The following DTNA variants were observed in gnomAD, a reference collection of about 807,000 sequenced individuals.
The protein encoded by DTNA is dystrophin-related protein 3.
DTNA carries 43 observed loss-of-function variants against 100.7 expected under a neutral mutation model. That is an observed-to-expected ratio of 0.43 (90% CI 0.33 to 0.55). The LOEUF (loss-of-function observed/expected upper bound fraction) is 0.55, where lower values mean the gene tolerates loss of function less well. Ranked by LOEUF, DTNA falls within the 20% of genes least tolerant of loss-of-function variation. The probability of loss-of-function intolerance (pLI) is 0.04; values close to 1 mark genes in which losing one functional copy is unlikely to be tolerated. For missense variants in DTNA, 798 were observed against 953.9 expected (o/e 0.84, Z 2.15); for synonymous variants, 349 against 347.9 (o/e 1.00, Z -0.04).
At chr18:34,785,238 C>T (rs1377873676) in intron 3 of DTNA, among the ~76,000 whole-genome samples, 1 of 152,062 alleles carries the variant, frequency 6.6e-6, no homozygotes, top group Non-Finnish European at 1.5e-5. Context: ...TGAAATTGAA[C>T]TAAACTCGTA....
At chr18:34,816,445 T>C (rs374647422) in intron 7 of DTNA, among the ~76,000 whole-genome samples, 139 of 152,224 alleles carry the variant, frequency 9.1e-4, no homozygotes, top group African/African-American at 3.1e-3. Flanking sequence ...TAATCTTTAG[T>C]CATATGTTCC....
intron 1 of DTNA, among the ~76,000 whole-genome samples, chr18:34,635,600 T>C (rs760015010): frequency 2.0e-5 from 3 of 152,242 alleles, no homozygotes; most frequent in African/African-American, 4.8e-5. Flanking sequence ...AACTTAGGTA[T>C]GATTTTATAA....
At chr18:34,665,103 G>C (rs1408259446) in intron 1 of DTNA, among the ~76,000 whole-genome samples, 1 of 151,776 alleles carries the variant, frequency 6.6e-6, no homozygotes, top group Non-Finnish European at 1.5e-5. Flanking sequence ...CACCAGTTAA[G>C]GTAGAAATGC....
intron 1 of DTNA, among the ~76,000 whole-genome samples, chr18:34,671,322 G>A (rs2076728323): frequency 6.6e-6 from 1 of 152,174 alleles, no homozygotes; most frequent in African/African-American, 2.4e-5. Context: ...TCCAGGTGCT[G>A]TCTGTCACAG....
intron 1 of DTNA, among the ~76,000 whole-genome samples, chr18:34,662,009 A>G (rs896110859): frequency 3.3e-5 from 5 of 152,106 alleles, no homozygotes; most frequent in African/African-American, 1.2e-4. Flanking sequence ...TCTCTCTATA[A>G]ACAAGGCACA....
intron 1 of DTNA, among the ~76,000 whole-genome samples, chr18:34,625,129 G>A (rs1009343883): frequency 6.6e-6 from 1 of 151,822 alleles, no homozygotes; most frequent in Non-Finnish European, 1.5e-5. Flanking sequence ...CCACCACCCT[G>A]GTTCAAGCAG....
intron 11 of DTNA, among the ~76,000 whole-genome samples, chr18:34,836,726 G>C (rs1292724823): frequency 6.6e-6 from 1 of 150,588 alleles, no homozygotes; most frequent in Non-Finnish European, 1.5e-5. Context: ...TTATATAACA[G>C]ATGCCTTTCT....
At chr18:34,671,696 A>G (rs1168178376) in intron 1 of DTNA, among the ~76,000 whole-genome samples, 3 of 152,078 alleles carry the variant, frequency 2.0e-5, no homozygotes, top group South Asian at 4.1e-4. Flanking sequence ...ATCTTTTTTT[A>G]TTTTGCCTTT....
intron 2 of DTNA, 50 bp downstream of exon 2, chr18:34,756,093 A>T: frequency 6.4e-7 from 1 of 1,555,944 alleles, no homozygotes; most frequent in Non-Finnish European, 8.8e-7. Flanking sequence ...TTGAATACTC[A>T]TGGAAAGGCT....
chr18:34,550,143 C>T (rs1302633979), intron 1 of DTNA, among the ~76,000 whole-genome samples: 1 of 152,038 alleles, frequency 6.6e-6, no homozygotes, highest in Admixed American at 6.6e-5. Flanking sequence ...AGTGTACAAC[C>T]TCAGTTGGAT....
chr18:34,843,616 G>A (rs2096314566), intron 13 of DTNA, among the ~76,000 whole-genome samples: 1 of 152,010 alleles, frequency 6.6e-6, no homozygotes. Context: ...TAAAAGAACA[G>A]CAGTCCTATG....
intron 3 of DTNA, among the ~76,000 whole-genome samples, 200 bp downstream of exon 3, chr18:34,766,241 A>G (rs1273828799): frequency 6.6e-6 from 1 of 152,206 alleles, no homozygotes; most frequent in Non-Finnish European, 1.5e-5. Flanking sequence ...ATGCTTAAAT[A>G]CTAAAGCATA....
At chr18:34,503,849 CAG>C (rs2040208389) in intron 1 of DTNA, among the ~76,000 whole-genome samples, 1 of 151,308 alleles carries the variant, frequency 6.6e-6, no homozygotes, top group Non-Finnish European at 1.5e-5. Flanking sequence ...TTTTTTGAGA[CAG>C]AGTCTCGCTG....
intron 1 of DTNA, among the ~76,000 whole-genome samples, chr18:34,670,304 A>T (rs1017591068): frequency 2.0e-4 from 31 of 152,112 alleles, no homozygotes; most frequent in Non-Finnish European, 3.7e-4. Flanking sequence ...TGCATTGGTT[A>T]TTCTAGTTAG....
chr18:34,608,341 G>A (rs1402553878), intron 1 of DTNA, among the ~76,000 whole-genome samples: 1 of 152,026 alleles, frequency 6.6e-6, no homozygotes, highest in East Asian at 1.9e-4. Flanking sequence ...TTTTAAATTA[G>A]CAGTGCTAAA....
rs2096948743 is a variant in DTNA, at chr18:34,889,167, T to A, written c.*1433T>A. 1.0e-6 allele frequency: 1 copy of A among 985,310 alleles called. No homozygotes were observed. The allele number at this position is 985,310 out of a possible 1,614,324, so 61.0% of individuals were successfully genotyped here. A position where few individuals can be genotyped will look rare whatever the true frequency, so the allele number is the denominator to read the frequency against. On this transcript the variant is annotated 3_prime_UTR_variant, in exon 23 of 23. Coordinates refer to ENST00000444659, the MANE Select transcript of DTNA (RefSeq NM_001386795.1). ...AGCCTGCGACCTATTCAATACATTA[T>A]GCTTAAATTAGCAGTTTCTCTGGAA...
intron 1 of DTNA, among the ~76,000 whole-genome samples, chr18:34,505,928 G>A (rs1452640497): frequency 6.6e-6 from 1 of 152,164 alleles, no homozygotes; most frequent in African/African-American, 2.4e-5. Context: ...TTTCTTATAT[G>A]TTAAGAGACT....
In DTNA at chr18:34,888,020, T is replaced by C. The variant is rs2096938288; in HGVS notation, c.*286T>C. 1 of 985,778 alleles carries C rather than the reference T, an allele frequency of 1.0e-6. No individual in the cohort carries two copies. Among genetic ancestry groups the C allele is most frequent in the Admixed American group, 6.1e-5 (1 of 16,264 alleles). The allele number at this position is 985,778 out of a possible 1,614,324, so 61.1% of individuals were successfully genotyped here. A position where few individuals can be genotyped will look rare whatever the true frequency, so the allele number is the denominator to read the frequency against. On this transcript the variant is annotated 3_prime_UTR_variant, in exon 23 of 23. Transcript: ENST00000444659. Reference sequence around the variant, plus strand: ...AAGAAGGAAAAAAAAAGACTTCTGTTCAAAGTTAACTTATCAGCTACATCC... The same window carrying C: ...AAGAAGGAAAAAAAAAGACTTCTGTCCAAAGTTAACTTATCAGCTACATCC...
intron 1 of DTNA, among the ~76,000 whole-genome samples, chr18:34,687,947 C>T (rs934109653): frequency 1.3e-5 from 2 of 151,944 alleles, no homozygotes; most frequent in Admixed American, 6.6e-5. Context: ...TTATCAGAGA[C>T]GAGGATTGCA....
Sources: gnomAD v4.1 joint callset for allele counts (sites outside exome capture counted in the v4.1 genomes callset) on GRCh38, gnomAD v4.1.1 for gene constraint, MANE v1.5 for transcripts, NCBI Gene and HGNC (gene_info 2026-07-23, HGNC 2026-07-21) for gene names.